WDPCP: variants seen among roughly 807,000 people sequenced by gnomAD.
The protein encoded by WDPCP is WD repeat-containing and planar cell polarity effector protein fritz homolog.
Under a neutral mutation model 93.1 loss-of-function variants are expected in WDPCP, and 71 were observed. The observed-to-expected ratio is 0.76, with a 90% CI of 0.63 to 0.93. The LOEUF is 0.93. Among genes scored for constraint, WDPCP ranks in the 40% least tolerant of loss-of-function variants. The probability of loss-of-function intolerance (pLI) is 0.00; values close to 1 mark genes in which losing one functional copy is unlikely to be tolerated. For missense variants in WDPCP, 844 were observed against 887.4 expected (o/e 0.95, Z 0.62); for synonymous variants, 315 against 315.0 (o/e 1.00, Z 0.00).
chr2:63,178,053 C>G (rs1673951443), intron 14 of WDPCP, among the ~76,000 whole-genome samples: 1 of 152,136 alleles, frequency 6.6e-6, no homozygotes, highest in African/African-American at 2.4e-5. Context: ...ACCATCCTTA[C>G]TTTACATCAG....
At chr2:63,434,064 G>A (rs950798689) in intron 8 of WDPCP, 128 bp from the exon 9 acceptor site, 16 of 905,694 alleles carry the variant, frequency 1.8e-5, no homozygotes, top group Admixed American at 2.4e-5. Context: ...AAACATGTGC[G>A]TAAGAAGGTG....
At chr2:63,296,870 A>C (rs1684906277) in intron 13 of WDPCP, among the ~76,000 whole-genome samples, 1 of 152,222 alleles carries the variant, frequency 6.6e-6, no homozygotes, top group African/African-American at 2.4e-5. Context: ...ACACAGCCCA[A>C]AGCAATCTAC....
intron 1 of WDPCP, among the ~76,000 whole-genome samples, chr2:63,585,427 A>C (rs1348514237): frequency 6.6e-6 from 1 of 152,104 alleles, no homozygotes; most frequent in Non-Finnish European, 1.5e-5. Flanking sequence ...AAGGTCAACT[A>C]TTTAGCTCTG....
chr2:63,583,771 T>C (rs977621869), intron 1 of WDPCP, among the ~76,000 whole-genome samples: 2 of 151,970 alleles, frequency 1.3e-5, no homozygotes, highest in Non-Finnish European at 2.9e-5. Flanking sequence ...CTCAAATTTG[T>C]TGTTCAATAA....
At chr2:63,549,619 T>C (rs1480807799) in intron 1 of WDPCP, among the ~76,000 whole-genome samples, 4 of 151,648 alleles carry the variant, frequency 2.6e-5, no homozygotes, top group Non-Finnish European at 5.9e-5. Context: ...ATACAAAAAT[T>C]AGCGGGCATA....
chr2:63,502,667 ATGTG>A (rs1204181485), intron 1 of WDPCP, among the ~76,000 whole-genome samples: 1 of 151,980 alleles, frequency 6.6e-6, no homozygotes, highest in African/African-American at 2.4e-5. Flanking sequence ...CTTTATCCCT[ATGTG>A]TGTATGAATA....
chr2:63,289,575 T>C (rs917155802), intron 13 of WDPCP, among the ~76,000 whole-genome samples: 1 of 152,062 alleles, frequency 6.6e-6, no homozygotes, highest in African/African-American at 2.4e-5. Context: ...AGCTTTATTT[T>C]ATGAACCAGA....
rs1406423736 is a variant in WDPCP at position 63,165,069 on chromosome 2, T to G, written c.2078+9601A>C. On this transcript the variant is annotated intron_variant, in intron 15 of 17. Transcript: ENST00000272321. ...TAATAAATGGATTAAACCCTCCAAT[T>G]AAAAGGAAGAGATTGGTGGAATGAA... Among the ~76,000 whole-genome samples, 5 of 152,260 alleles carry G rather than the reference T, an allele frequency of 3.3e-5. No homozygotes were observed. The East Asian group carries it at 9.6e-4, about 29-fold the overall frequency.
intron 2 of WDPCP, among the ~76,000 whole-genome samples, chr2:63,671,571 G>A (rs559702694): frequency 2.7e-5 from 4 of 150,520 alleles, no homozygotes; most frequent in South Asian, 4.2e-4. Context: ...TTTTTGACAC[G>A]GAGTCTCACT....
chr2:63,797,229 G>A, intron 2 of WDPCP, among the ~76,000 whole-genome samples: 1 of 152,174 alleles, frequency 6.6e-6, no homozygotes, highest in East Asian at 1.9e-4. Flanking sequence ...TCAGAGCTGT[G>A]CTGGCTTCAG....
intron 12 of WDPCP, among the ~76,000 whole-genome samples, chr2:63,331,237 C>G (rs1049350109): frequency 6.6e-6 from 1 of 152,122 alleles, no homozygotes; most frequent in African/African-American, 2.4e-5. Flanking sequence ...AAATCCTTGG[C>G]CCATCCCCTT....
chr2:63,759,858 G>T (rs1177372112), intron 2 of WDPCP, among the ~76,000 whole-genome samples: 3 of 152,238 alleles, frequency 2.0e-5, no homozygotes, highest in African/African-American at 7.2e-5. Context: ...ATTCAGCCAA[G>T]TTCTTGCCTA....
chr2:63,489,691 T>C (rs747978158), intron 2 of WDPCP, among the ~76,000 whole-genome samples: 1 of 152,062 alleles, frequency 6.6e-6, no homozygotes, highest in Non-Finnish European at 1.5e-5. Context: ...TCAGGGACAA[T>C]TTAAACATCA....
At chr2:63,240,066 T>C (rs1679744593) in intron 14 of WDPCP, among the ~76,000 whole-genome samples, 1 of 152,156 alleles carries the variant, frequency 6.6e-6, no homozygotes. Context: ...CTCTTCTGTA[T>C]CTTTATTTTA....
chr2:63,448,590 A>C (rs1350959399), intron 6 of WDPCP, among the ~76,000 whole-genome samples: 1 of 152,126 alleles, frequency 6.6e-6, no homozygotes, highest in East Asian at 1.9e-4. Context: ...TGTTTTGTTT[A>C]GTTAGAAATA....
intron 2 of WDPCP, among the ~76,000 whole-genome samples, chr2:63,800,072 A>G (rs1485177936): frequency 1.3e-5 from 2 of 152,182 alleles, no homozygotes; most frequent in Non-Finnish European, 2.9e-5. Flanking sequence ...CACATATATT[A>G]TTATTCCCTG....
chr2:63,236,267 C>G (rs1217360520), intron 14 of WDPCP, among the ~76,000 whole-genome samples: 1 of 152,020 alleles, frequency 6.6e-6, no homozygotes, highest in African/African-American at 2.4e-5. Flanking sequence ...AAGAATACAC[C>G]TAACCAAGAA....
intron 12 of WDPCP, among the ~76,000 whole-genome samples, chr2:63,338,608 A>G (rs929412039): frequency 1.5e-5 from 2 of 133,152 alleles, no homozygotes; most frequent in African/African-American, 5.5e-5. Context: ...ATATATATAT[A>G]TATATATATG....
At chr2:63,276,540 A>T (rs1488994129) in intron 13 of WDPCP, among the ~76,000 whole-genome samples, 1 of 152,210 alleles carries the variant, frequency 6.6e-6, no homozygotes, top group African/African-American at 2.4e-5. Context: ...AAACAATCAC[A>T]ACTTCTGATA....
Sources: gnomAD v4.1 joint callset for allele counts (sites outside exome capture counted in the v4.1 genomes callset) on GRCh38, gnomAD v4.1.1 for gene constraint, MANE v1.5 for transcripts, NCBI Gene and HGNC (gene_info 2026-07-23, HGNC 2026-07-21) for gene names.